Variants in STAG1 observed in about 807,000 individuals in gnomAD.
STAG1 encodes the protein cohesin subunit SA-1.
A neutral mutation model predicts 170.9 loss-of-function variants in STAG1; 26 were observed. That is an observed-to-expected ratio of 0.15 (90% CI 0.11 to 0.21). The LOEUF (loss-of-function observed/expected upper bound fraction) is 0.21. Among genes scored for constraint, STAG1 ranks in the 10% least tolerant of loss-of-function variants. The pLI is 1.00. For synonymous variants in STAG1, 514 were observed against 497.7 expected (o/e 1.03, Z -0.44); for missense variants, 964 against 1,509.5 (o/e 0.64, Z 5.99).
At chr3:136,747,757 A>G (rs6439655) in intron 1 of STAG1, among the ~76,000 whole-genome samples, 95,541 of 151,704 alleles carry the variant, frequency 0.63, 32,902 homozygotes, top group African/African-American at 0.9. Flanking sequence ...AAGGCATCAA[A>G]GAATGGCAAG....
At chr3:136,537,862 G>T (rs887511972) in intron 6 of STAG1, among the ~76,000 whole-genome samples, 10 of 151,066 alleles carry the variant, frequency 6.6e-5, no homozygotes, top group Non-Finnish European at 1.3e-4. Flanking sequence ...CAAGAAAACT[G>T]AAACAACAAA....
intron 1 of STAG1, among the ~76,000 whole-genome samples, chr3:136,668,272 A>AC (rs1941862181): frequency 6.8e-6 from 1 of 147,142 alleles, no homozygotes; most frequent in Non-Finnish European, 1.5e-5. Context: ...TATTATACAT[A>AC]ATATATATTA....
At chr3:136,748,722 A>T (rs1003902625) in intron 1 of STAG1, among the ~76,000 whole-genome samples, 1 of 152,154 alleles carries the variant, frequency 6.6e-6, no homozygotes, top group African/African-American at 2.4e-5. Flanking sequence ...ATTTTTTTAA[A>T]TTTTTTAAAA....
chr3:136,671,041 T>C (rs1941965341), intron 1 of STAG1, among the ~76,000 whole-genome samples: 2 of 152,096 alleles, frequency 1.3e-5, no homozygotes, highest in East Asian at 1.9e-4. Context: ...TCCCAGCACT[T>C]TGGGAGGCCG....
At chr3:136,685,985 T>C (rs79512231) in intron 1 of STAG1, among the ~76,000 whole-genome samples, 1,692 of 152,276 alleles carry the variant, frequency 0.011, 29 homozygotes, top group East Asian at 0.048. Context: ...AGAAAGCTCA[T>C]TGGTGCTAGT....
At chr3:136,574,086 C>T (rs977974474) in intron 4 of STAG1, among the ~76,000 whole-genome samples, 1 of 150,780 alleles carries the variant, frequency 6.6e-6, no homozygotes, top group South Asian at 2.1e-4. Flanking sequence ...CTAAAAATAC[C>T]AAAAATTAGG....
chr3:136,509,754 G>A (rs1436248969), intron 7 of STAG1, among the ~76,000 whole-genome samples: 1 of 152,142 alleles, frequency 6.6e-6, no homozygotes, highest in Non-Finnish European at 1.5e-5. Flanking sequence ...CGAAGTCGAA[G>A]GACACTGACC....
intron 11 of STAG1, among the ~76,000 whole-genome samples, 177 bp from the exon 12 acceptor site, chr3:136,472,669 T>C (rs1336126406): frequency 1.3e-5 from 2 of 152,230 alleles, no homozygotes; most frequent in East Asian, 1.9e-4. Context: ...TTAGTATAAA[T>C]GTTTGTAATT....
chr3:136,636,641 T>C (rs1024158660), intron 1 of STAG1, among the ~76,000 whole-genome samples: 55 of 152,174 alleles, frequency 3.6e-4, no homozygotes, highest in African/African-American at 1.3e-3. Context: ...CTAACTGATA[T>C]AAACAATAGT....
intron 5 of STAG1, among the ~76,000 whole-genome samples, chr3:136,567,867 T>C (rs755363739): frequency 6.6e-6 from 1 of 152,206 alleles, no homozygotes; most frequent in African/African-American, 2.4e-5. Context: ...ATTATACTTA[T>C]CATGGCACCA....
intron 21 of STAG1, among the ~76,000 whole-genome samples, chr3:136,405,532 G>A (rs141463394): frequency 7.3e-5 from 11 of 151,554 alleles, no homozygotes; most frequent in African/African-American, 1.2e-4. Flanking sequence ...ATAGGACACC[G>A]CGTCCAGCCT....
At chr3:136,638,638 C>T (rs748363755) in intron 1 of STAG1, among the ~76,000 whole-genome samples, 3 of 152,068 alleles carry the variant, frequency 2.0e-5, no homozygotes, top group Non-Finnish European at 4.4e-5. Flanking sequence ...TGCGGTAGCT[C>T]GCGCCTGAAA....
At chr3:136,727,135 T>C (rs913810986) in intron 1 of STAG1, among the ~76,000 whole-genome samples, 1 of 150,310 alleles carries the variant, frequency 6.7e-6, no homozygotes, top group Non-Finnish European at 1.5e-5. Flanking sequence ...TATATGATTA[T>C]TTTGTTTACA....
At chr3:136,453,590 CAA>C (rs34324239) in intron 13 of STAG1, among the ~76,000 whole-genome samples, 68 of 98,450 alleles carry the variant, frequency 6.9e-4, no homozygotes, top group African/African-American at 1.9e-3. Flanking sequence ...GACTATGTCT[CAA>C]AAAAAAAAAA....
intron 6 of STAG1, among the ~76,000 whole-genome samples, chr3:136,529,193 G>T (rs1230071973): frequency 6.6e-6 from 1 of 152,052 alleles, no homozygotes; most frequent in East Asian, 1.9e-4. Flanking sequence ...TCAATTTGGG[G>T]TCCCAGAAGG....
intron 1 of STAG1, among the ~76,000 whole-genome samples, chr3:136,719,459 C>T (rs1465284452): frequency 6.6e-6 from 1 of 151,862 alleles, no homozygotes; most frequent in Non-Finnish European, 1.5e-5. Context: ...ATTAACTAAA[C>T]ATCACTGAAT....
intron 7 of STAG1, 94 bp downstream of exon 7, chr3:136,521,119 A>C: frequency 1.9e-6 from 2 of 1,055,832 alleles, no homozygotes; most frequent in Non-Finnish European, 2.7e-6. Flanking sequence ...ATTCTAATTA[A>C]ATTTTTAATT....
intron 1 of STAG1, among the ~76,000 whole-genome samples, chr3:136,674,206 G>T (rs1463127036): frequency 6.8e-6 from 1 of 147,404 alleles, no homozygotes; most frequent in Admixed American, 6.8e-5. Context: ...AGGGAAGGAG[G>T]GAGGGATTAA....
chr3:136,601,973 G>A (rs1051346932), intron 4 of STAG1, among the ~76,000 whole-genome samples: 1 of 152,082 alleles, frequency 6.6e-6, no homozygotes, highest in African/African-American at 2.4e-5. Context: ...AAATATAGAT[G>A]ATGATAAGAG....
Sources: allele counts gnomAD v4.1 joint callset (sites outside exome capture counted in the v4.1 genomes callset), GRCh38; gene constraint gnomAD v4.1.1; transcripts MANE v1.5; gene names NCBI Gene and HGNC (gene_info 2026-07-23, HGNC 2026-07-21).